The following SEMA3E variants were observed in gnomAD, a reference collection of about 807,000 sequenced individuals.
SEMA3E encodes semaphorin-3E.
In SEMA3E, 49 loss-of-function variants were observed where a neutral mutation model predicts 93.6. The ratio of observed to expected loss-of-function variants is 0.52; its 90% CI spans 0.42 to 0.66. SEMA3E has a LOEUF of 0.66. Ranked by LOEUF, SEMA3E falls within the 30% of genes least tolerant of loss-of-function variation. SEMA3E has a pLI of 0.00. For missense variants in SEMA3E, 906 were observed against 964.8 expected (o/e 0.94, Z 0.81); for synonymous variants, 363 against 330.7 (o/e 1.10, Z -1.06).
chr7:83,554,348 TC>T (rs1379448917), intron 1 of SEMA3E, among the ~76,000 whole-genome samples: 3 of 152,102 alleles, frequency 2.0e-5, no homozygotes, highest in Non-Finnish European at 2.9e-5. Context: ...GAAAAATGAG[TC>T]CTCATAGAAA....
chr7:83,491,466 T>G lies in SEMA3E; in HGVS notation c.116-1192A>C, dbSNP rs1432250017. ...ATGCCCAAAACTTTGTGGAGTTAAATTTAAATCTTTTAAAATGAACAATAC... is the reference window on the plus strand; with the variant it reads ...ATGCCCAAAACTTTGTGGAGTTAAAGTTAAATCTTTTAAAATGAACAATAC... On this transcript the variant is annotated intron_variant, in intron 1 of 16. Transcript: ENST00000643230. 3.3e-5 allele frequency among the ~76,000 whole-genome samples: 5 copies of G among 152,126 alleles called. No individual in the cohort carries two copies. The East Asian group carries it at 9.7e-4, about 29-fold the overall frequency.
chr7:83,489,162 A>G (rs549840951), intron 2 of SEMA3E, among the ~76,000 whole-genome samples: 61 of 152,204 alleles, frequency 4.0e-4, no homozygotes, highest in African/African-American at 1.3e-3. Context: ...CTGATGAAGT[A>G]TGGTACACAG....
chr7:83,390,794 C>A (rs1292576393), intron 14 of SEMA3E, among the ~76,000 whole-genome samples: 1 of 152,146 alleles, frequency 6.6e-6, no homozygotes, highest in Non-Finnish European at 1.5e-5. Flanking sequence ...TCATGCCTTC[C>A]TGTCTACTAT....
At chr7:83,521,947 T>C (rs1045548711) in intron 1 of SEMA3E, among the ~76,000 whole-genome samples, 1 of 152,090 alleles carries the variant, frequency 6.6e-6, no homozygotes. Context: ...CCACGTGATA[T>C]CTAAAGTCAT....
chr7:83,466,612 A>G lies in SEMA3E; in HGVS notation c.337-11T>C. ...ATTTGCACATTCACCCTAAAGCAGG[A>G]AAAAAAGGGAAGGAATCTATCAGTA... On this transcript the variant is annotated splice_polypyrimidine_tract_variant and intron_variant, in intron 3 of 16. Transcript: ENST00000643230. The G allele has an allele frequency of 6.2e-7, 1 of 1,605,362 alleles. No individual in the cohort carries two copies. Among genetic ancestry groups the G allele is most frequent in the Non-Finnish European group, 8.5e-7 (1 of 1,174,092 alleles).
At chr7:83,558,894 C>T (rs1290636533) in intron 1 of SEMA3E, among the ~76,000 whole-genome samples, 2 of 151,954 alleles carry the variant, frequency 1.3e-5, no homozygotes, top group African/African-American at 2.4e-5. Flanking sequence ...AAATTTGGCT[C>T]CCCTTTTTGC....
intron 5 of SEMA3E, among the ~76,000 whole-genome samples, chr7:83,411,768 G>A (rs939194877): frequency 6.6e-6 from 1 of 151,976 alleles, no homozygotes; most frequent in Non-Finnish European, 1.5e-5. Context: ...ATAACATCTA[G>A]ATAAATCATA....
chr7:83,637,697 T>G (rs1793907728), intron 1 of SEMA3E, among the ~76,000 whole-genome samples: 1 of 152,088 alleles, frequency 6.6e-6, no homozygotes, highest in South Asian at 2.1e-4. Context: ...CCTTCTGCCA[T>G]GATTGTAAGT....
intron 1 of SEMA3E, among the ~76,000 whole-genome samples, chr7:83,624,232 A>G (rs1793624377): frequency 6.6e-6 from 1 of 152,202 alleles, no homozygotes; most frequent in Non-Finnish European, 1.5e-5. Flanking sequence ...TCATTTGGGT[A>G]TATACTCAGT....
chr7:83,400,757 G>A (rs1228592133), intron 10 of SEMA3E, among the ~76,000 whole-genome samples: 1 of 152,112 alleles, frequency 6.6e-6, no homozygotes, highest in Non-Finnish European at 1.5e-5. Flanking sequence ...TGGTAAAAAT[G>A]TTTAACATCA....
chr7:83,430,177 A>G (rs1431016186), intron 4 of SEMA3E, among the ~76,000 whole-genome samples: 2 of 152,170 alleles, frequency 1.3e-5, no homozygotes, highest in Non-Finnish European at 2.9e-5. Context: ...TAGAAAAGCC[A>G]AAATGGGCCG....
chr7:83,388,361 A>G (rs975975883), intron 14 of SEMA3E, among the ~76,000 whole-genome samples: 3 of 114,916 alleles, frequency 2.6e-5, no homozygotes, highest in Non-Finnish European at 5.8e-5. Context: ...ATATAATATA[A>G]CATTATATAT....
intron 16 of SEMA3E, among the ~76,000 whole-genome samples, chr7:83,379,243 AG>A (rs1451280266): frequency 6.6e-6 from 1 of 151,490 alleles, no homozygotes; most frequent in African/African-American, 2.4e-5. Context: ...AGGCTCCAAA[AG>A]GTGGGAGGGT....
At chr7:83,461,607 G>T (rs2115860054) in intron 4 of SEMA3E, among the ~76,000 whole-genome samples, 1 of 152,256 alleles carries the variant, frequency 6.6e-6, no homozygotes, top group African/African-American at 2.4e-5. Context: ...ATCCAGCCCA[G>T]TTCATGGCTC....
Position 83,400,161 on chromosome 7 carries a change from C to A in SEMA3E, c.1233G>T (p.Met411Ile). The stretch of plus-strand genomic sequence containing the variant: ...TATGGGCAGGTTTTATGGCCTGGTA[C>A]ATTAGTGGATGACTTCTTGCAAATC... The part of the protein sequence containing the change: ...AIRFARSHPL[M>I]YQAIKPAHKK... Residue 411 changes from methionine (M) to isoleucine (I), a missense_variant, in exon 11 of 17, where the codon ATG becomes ATT. By Grantham distance (10) the Met-to-Ile change is conservative. Coordinates refer to ENST00000643230, the MANE Select transcript of SEMA3E (RefSeq NM_012431.3). The A allele has an allele frequency of 6.2e-7, 1 of 1,613,888 alleles. No individual in the cohort carries two copies. Among genetic ancestry groups the A allele is most frequent in the Non-Finnish European group, 8.5e-7 (1 of 1,179,952 alleles).
intron 1 of SEMA3E, among the ~76,000 whole-genome samples, chr7:83,499,820 T>C (rs1790561419): frequency 6.6e-6 from 1 of 152,200 alleles, no homozygotes; most frequent in Non-Finnish European, 1.5e-5. Flanking sequence ...TAATTTTAAA[T>C]ACACATATGC....
intron 1 of SEMA3E, among the ~76,000 whole-genome samples, chr7:83,571,375 A>AT (rs1792282780): frequency 6.6e-6 from 1 of 152,222 alleles, no homozygotes; most frequent in Non-Finnish European, 1.5e-5. Context: ...TTAATTCATA[A>AT]TGATCAAGTA....
At chr7:83,589,581 G>A (rs950609313) in intron 1 of SEMA3E, among the ~76,000 whole-genome samples, 5 of 151,872 alleles carry the variant, frequency 3.3e-5, no homozygotes, top group African/African-American at 4.8e-5. Flanking sequence ...ACTTTACATC[G>A]TTTGTGAGCA....
intron 1 of SEMA3E, among the ~76,000 whole-genome samples, chr7:83,619,063 T>C (rs1793490368): frequency 6.6e-6 from 1 of 151,882 alleles, no homozygotes; most frequent in Admixed American, 6.6e-5. Flanking sequence ...ACTCCTTCTG[T>C]TAAAATCATT....
Sources: gnomAD v4.1 joint callset for allele counts (sites outside exome capture counted in the v4.1 genomes callset) on GRCh38, gnomAD v4.1.1 for gene constraint, MANE v1.5 for transcripts, NCBI Gene and HGNC (gene_info 2026-07-23, HGNC 2026-07-21) for gene names.